GRIP1: variants seen among roughly 807,000 people sequenced by gnomAD.
The protein encoded by GRIP1 is glutamate receptor interacting protein 1, also known as glutamate receptor-interacting protein 1.
In GRIP1, 45 loss-of-function variants were observed where a neutral mutation model predicts 129.9. The observed-to-expected ratio is 0.35, with a 90% CI of 0.27 to 0.44. GRIP1 has a LOEUF of 0.44. GRIP1 is among the 20% of genes least tolerant of loss of function. GRIP1 has a pLI of 1.00. For synonymous variants in GRIP1, 530 were observed against 520.8 expected (o/e 1.02, Z -0.24); for missense variants, 1,196 against 1,396.8 (o/e 0.86, Z 2.29).
intron 1 of GRIP1, among the ~76,000 whole-genome samples, chr12:66,943,515 C>T (rs2041620553): frequency 6.6e-6 from 1 of 152,116 alleles, no homozygotes; most frequent in Non-Finnish European, 1.5e-5. Flanking sequence ...ATTAAAAATA[C>T]AGTTTCATGT....
chr12:67,044,722 T>C (rs768323384), intron 1 of GRIP1, among the ~76,000 whole-genome samples: 2 of 152,142 alleles, frequency 1.3e-5, no homozygotes, highest in Non-Finnish European at 2.9e-5. Flanking sequence ...TTTAAACACA[T>C]TCTAATCCAG....
chr12:66,486,536 C>A (rs1285029772), intron 7 of GRIP1, among the ~76,000 whole-genome samples: 1 of 152,072 alleles, frequency 6.6e-6, no homozygotes, highest in Non-Finnish European at 1.5e-5. Context: ...ATGAATAAGT[C>A]TCATGAGATC....
chr12:66,558,062 C>T (rs893323531), intron 2 of GRIP1, among the ~76,000 whole-genome samples: 3 of 151,888 alleles, frequency 2.0e-5, no homozygotes, highest in African/African-American at 7.3e-5. Flanking sequence ...ATTGATAAAC[C>T]TTTAGCCAGA....
intron 1 of GRIP1, among the ~76,000 whole-genome samples, chr12:66,675,902 G>C (rs1327856974): frequency 6.6e-6 from 1 of 152,146 alleles, no homozygotes; most frequent in African/African-American, 2.4e-5. Context: ...GTAGGTACCT[G>C]ATAAGGCAAA....
intron 1 of GRIP1, among the ~76,000 whole-genome samples, chr12:67,046,309 A>G (rs953995247): frequency 3.3e-5 from 5 of 152,136 alleles, no homozygotes; most frequent in South Asian, 2.1e-4. Context: ...CCTCAGGAAG[A>G]TCCAAAGATC....
chr12:66,811,959 G>A (rs1000636698), intron 1 of GRIP1, among the ~76,000 whole-genome samples: 10 of 151,644 alleles, frequency 6.6e-5, no homozygotes, highest in Non-Finnish European at 1.2e-4. Context: ...CTGCCTTCTC[G>A]GCCTTTTTCT....
intron 13 of GRIP1, among the ~76,000 whole-genome samples, chr12:66,437,866 T>G (rs2058357064): frequency 6.6e-6 from 1 of 152,192 alleles, no homozygotes; most frequent in Non-Finnish European, 1.5e-5. Flanking sequence ...TGGTAACATC[T>G]CTTTGAAGAG....
chr12:66,856,495 G>C (rs1428747669), intron 1 of GRIP1, among the ~76,000 whole-genome samples: 2 of 151,966 alleles, frequency 1.3e-5, no homozygotes, highest in Non-Finnish European at 2.9e-5. Flanking sequence ...CTAATATCCA[G>C]AATCTACAAT....
At chr12:66,356,485 T>G (rs951241911) in intron 23 of GRIP1, among the ~76,000 whole-genome samples, 1 of 152,210 alleles carries the variant, frequency 6.6e-6, no homozygotes, top group Non-Finnish European at 1.5e-5. Context: ...TTAGGCCAGA[T>G]AGGAGATTTC....
intron 1 of GRIP1, among the ~76,000 whole-genome samples, chr12:67,034,601 C>A (rs1311624916): frequency 6.6e-6 from 1 of 152,176 alleles, no homozygotes; most frequent in Non-Finnish European, 1.5e-5. Context: ...GCTTGCAGGA[C>A]GGGGCCTTGA....
chr12:66,822,937 G>T (rs73329292), intron 1 of GRIP1, among the ~76,000 whole-genome samples: 2,770 of 152,232 alleles, frequency 0.018, 84 homozygotes, highest in African/African-American at 0.061. Context: ...CACATGATAT[G>T]CCCACGTAAC....
chr12:66,526,215 T>C (rs1211378656), intron 5 of GRIP1, among the ~76,000 whole-genome samples: 3 of 150,548 alleles, frequency 2.0e-5, no homozygotes, highest in East Asian at 1.9e-4. Flanking sequence ...GAGCCTGCAT[T>C]GCCAAGTCAA....
At chr12:66,663,431 G>A (rs1337862713) in intron 1 of GRIP1, among the ~76,000 whole-genome samples, 1 of 152,094 alleles carries the variant, frequency 6.6e-6, no homozygotes, top group African/African-American at 2.4e-5. Context: ...CCATCTGGGG[G>A]GCCAATCAGT....
intron 20 of GRIP1, 130 bp from the exon 21 acceptor site, chr12:66,377,415 C>T (rs929658084): frequency 8.5e-6 from 6 of 704,478 alleles, no homozygotes; most frequent in African/African-American, 3.5e-5. Context: ...GCAAGCTCCG[C>T]CTCCCGGGTT....
At chr12:66,723,425 G>A (rs1339824004) in intron 1 of GRIP1, among the ~76,000 whole-genome samples, 1 of 148,436 alleles carries the variant, frequency 6.7e-6, no homozygotes, top group Non-Finnish European at 1.5e-5. Context: ...CAATTCTCCT[G>A]CCTCAGCCTC....
At chr12:66,388,043 G>T (rs1193450628) in intron 19 of GRIP1, among the ~76,000 whole-genome samples, 4 of 150,766 alleles carry the variant, frequency 2.7e-5, no homozygotes, top group African/African-American at 9.7e-5. Context: ...GGAACTGAAT[G>T]AAAGAGTAAA....
intron 1 of GRIP1, among the ~76,000 whole-genome samples, chr12:66,759,954 A>G (rs549301248): frequency 1.3e-5 from 2 of 151,716 alleles, no homozygotes; most frequent in East Asian, 3.9e-4. Context: ...TTCCGGGTTC[A>G]CGCCATTCTC....
intron 1 of GRIP1, among the ~76,000 whole-genome samples, chr12:67,018,214 C>A (rs1362939325): frequency 6.6e-6 from 1 of 152,078 alleles, no homozygotes; most frequent in African/African-American, 2.4e-5. Context: ...TGTTTCCTCC[C>A]CTCCTCCAGG....
At chr12:66,589,194 T>TTCTA (rs2063757385) in intron 2 of GRIP1, among the ~76,000 whole-genome samples, 1 of 95,606 alleles carries the variant, frequency 1.0e-5, no homozygotes, top group South Asian at 4.6e-4. Context: ...CTCCCCCACC[T>TTCTA]TCTCTCTCTC....
Sources: allele counts gnomAD v4.1 joint callset (sites outside exome capture counted in the v4.1 genomes callset), GRCh38; gene constraint gnomAD v4.1.1; transcripts MANE v1.5; gene names NCBI Gene and HGNC (gene_info 2026-07-23, HGNC 2026-07-21).